The following AGTPBP1 variants were observed in gnomAD, a reference collection of about 807,000 sequenced individuals.
AGTPBP1 encodes ATP/GTP binding carboxypeptidase 1.
A neutral mutation model predicts 143.9 loss-of-function variants in AGTPBP1; 70 were observed. The observed-to-expected ratio is 0.49, with a 90% CI of 0.40 to 0.59. The LOEUF is 0.59. Among genes scored for constraint, AGTPBP1 ranks in the 20% least tolerant of loss-of-function variants. The pLI, the probability that AGTPBP1 is intolerant of heterozygous loss-of-function variation, is 0.00. For missense variants in AGTPBP1, 1,229 were observed against 1,464.5 expected (o/e 0.84, Z 2.62); for synonymous variants, 463 against 500.2 (o/e 0.93, Z 0.99).
At chr9:85,616,259 A>G (rs1830595611) in intron 17 of AGTPBP1, among the ~76,000 whole-genome samples, 1 of 151,986 alleles carries the variant, frequency 6.6e-6, no homozygotes, top group Admixed American at 6.5e-5. Flanking sequence ...AGAATATCCA[A>G]AGGAGAAGGG....
intron 19 of AGTPBP1, among the ~76,000 whole-genome samples, chr9:85,591,193 A>G (rs550722442): frequency 8.5e-4 from 127 of 150,218 alleles, no homozygotes; most frequent in African/African-American, 2.1e-3. Flanking sequence ...AAAAAAAAAA[A>G]GGGGGGGAGT....
chr9:85,646,574 T>C (rs1280377357), intron 11 of AGTPBP1, among the ~76,000 whole-genome samples, 156 bp from the exon 12 acceptor site: 1 of 152,230 alleles, frequency 6.6e-6, no homozygotes, highest in East Asian at 1.9e-4. Context: ...GTCCCAGCTG[T>C]TGACAAACCC....
chr9:85,703,906 A>G (rs762186604), intron 2 of AGTPBP1, among the ~76,000 whole-genome samples: 19 of 152,250 alleles, frequency 1.2e-4, no homozygotes, highest in Non-Finnish European at 2.6e-4. Flanking sequence ...AAGTGGGAAG[A>G]AAAACAAGAG....
At chr9:85,550,429 T>C (rs988977254) in intron 25 of AGTPBP1, among the ~76,000 whole-genome samples, 2 of 152,164 alleles carry the variant, frequency 1.3e-5, no homozygotes, top group African/African-American at 4.8e-5. Flanking sequence ...GTTTGCTTAA[T>C]TCCTTTCTGT....
At chr9:85,786,816 A>C in the AGTPBP1 span, among the ~76,000 whole-genome samples, 1 of 152,310 alleles carries the variant, frequency 6.6e-6, no homozygotes, top group South Asian at 2.1e-4. Context: ...TAACATTTAA[A>C]TATTTACATT....
intron 8 of AGTPBP1, among the ~76,000 whole-genome samples, chr9:85,668,298 A>G (rs577728249): frequency 2.6e-5 from 4 of 152,002 alleles, no homozygotes; most frequent in Non-Finnish European, 5.9e-5. Context: ...GGCTATTTTG[A>G]GACAACTGGA....
intron 11 of AGTPBP1, among the ~76,000 whole-genome samples, chr9:85,650,805 C>T (rs1833119193): frequency 6.6e-6 from 1 of 152,170 alleles, no homozygotes; most frequent in Admixed American, 6.5e-5. Flanking sequence ...TTCTGTTATT[C>T]AAATGATTAT....
chr9:85,659,699 C>T (rs1237330812), intron 9 of AGTPBP1, among the ~76,000 whole-genome samples: 3 of 152,080 alleles, frequency 2.0e-5, no homozygotes, highest in Non-Finnish European at 2.9e-5. Flanking sequence ...AGTGACTTCA[C>T]TATCAGTGAT....
chr9:85,619,331 A>T, intron 15 of AGTPBP1, 30 bp from the exon 16 acceptor site: 6 of 1,476,110 alleles, frequency 4.1e-6, no homozygotes, highest in African/African-American at 1.4e-5. Context: ...TAAATGTATT[A>T]AAATACATTG....
the AGTPBP1 span, among the ~76,000 whole-genome samples, chr9:85,784,997 T>C: frequency 1.3e-5 from 2 of 152,212 alleles, no homozygotes; most frequent in African/African-American, 4.8e-5. Flanking sequence ...CAGATTTGGC[T>C]TGAGAGCTGC....
chr9:85,641,437 T>C (rs1832456538), intron 13 of AGTPBP1, among the ~76,000 whole-genome samples: 2 of 152,148 alleles, frequency 1.3e-5, no homozygotes, highest in Non-Finnish European at 2.9e-5. Flanking sequence ...CTTTCTCAAA[T>C]GCCTCTTCCT....
chr9:85,626,956 G>T (rs1363599888), intron 14 of AGTPBP1, among the ~76,000 whole-genome samples: 2 of 152,070 alleles, frequency 1.3e-5, no homozygotes, highest in Non-Finnish European at 2.9e-5. Context: ...TGGCAGATTT[G>T]GGATGGATTT....
intron 1 of AGTPBP1, among the ~76,000 whole-genome samples, chr9:85,732,492 T>C (rs1027600497): frequency 6.6e-6 from 1 of 152,140 alleles, no homozygotes; most frequent in African/African-American, 2.4e-5. Flanking sequence ...GAAACCACTT[T>C]ATGAAGAAAA....
Position 85,575,439 on chromosome 9 carries a change from C to T in AGTPBP1, c.3379G>A (p.Gly1127Arg). Residue 1127 changes from glycine to arginine, a missense_variant, in exon 25 of 26, where the codon GGA becomes AGA. Gly to Arg is a moderately radical substitution (Grantham distance 125). Around this residue, in one of 2 missense-constraint regions of AGTPBP1, gnomAD observed 486 missense variants for 652.3 expected, o/e 0.75. Coordinates refer to ENST00000357081, the MANE Select transcript of AGTPBP1 (RefSeq NM_001330701.2). ...QIGTRELEEM[G>R]AKFCVGLLRL... ...AAAAGACCAACACAAAATTTTGCTC[C>T]CATCTCTTCCAGTTCTCGGGTACCA... 2 of 1,607,738 alleles carry T rather than the reference C, an allele frequency of 1.2e-6. No individual in the cohort carries two copies. The highest frequency in any genetic ancestry group is 1.7e-6 in the Non-Finnish European group (2 of 1,178,392).
At chr9:85,677,605 ATTTAAACAACAAATT>A in intron 5 of AGTPBP1, 23 bp from the exon 6 acceptor site, 2 of 1,462,072 alleles carry the variant, frequency 1.4e-6, no homozygotes, top group Non-Finnish European at 1.8e-6. Flanking sequence ...AAAAAAAAAA[ATTTAAACAACAAATT>A]AAAAAAAAAT....
intron 1 of AGTPBP1, among the ~76,000 whole-genome samples, chr9:85,738,409 T>G (rs62570630): frequency 0.015 from 2,254 of 152,018 alleles, 25 homozygotes; most frequent in Middle Eastern, 0.038. Context: ...CTATATAATA[T>G]CAATAAAAAA....
intron 17 of AGTPBP1, among the ~76,000 whole-genome samples, chr9:85,608,827 G>GA (rs759535759): frequency 2.6e-5 from 4 of 151,678 alleles, no homozygotes; most frequent in Non-Finnish European, 5.9e-5. Flanking sequence ...CAAACAAAAT[G>GA]AAAAAAACAA....
At chr9:85,758,477 T>C in the AGTPBP1 span, among the ~76,000 whole-genome samples, 1 of 152,080 alleles carries the variant, frequency 6.6e-6, no homozygotes, top group Non-Finnish European at 1.5e-5. Context: ...AAACCCCGTC[T>C]CTTCTAAAAA....
At chr9:85,730,717 C>A (rs577977107) in intron 1 of AGTPBP1, among the ~76,000 whole-genome samples, 1 of 152,174 alleles carries the variant, frequency 6.6e-6, no homozygotes, top group Non-Finnish European at 1.5e-5. Context: ...CTAAGTTCAT[C>A]TGGAAGATGG....
Sources: gnomAD v4.1 joint callset for allele counts (sites outside exome capture counted in the v4.1 genomes callset) on GRCh38, gnomAD v4.1.1 for gene constraint, gnomAD v4.1.1 regional missense constraint, MANE v1.5 for transcripts, NCBI Gene and HGNC (gene_info 2026-07-23, HGNC 2026-07-21) for gene names.